Variants in DENND6B observed in about 807,000 individuals in gnomAD.
The protein encoded by DENND6B is DENN domain containing 6B.
A neutral mutation model predicts 85.1 loss-of-function variants in DENND6B; 73 were observed. The ratio of observed to expected loss-of-function variants is 0.86; its 90% confidence interval spans 0.71 to 1.04. The LOEUF (loss-of-function observed/expected upper bound fraction) is 1.04, where lower values mean the gene tolerates loss of function less well. Ranked by LOEUF, DENND6B falls within the 50% of genes least tolerant of loss-of-function variation. DENND6B has a pLI of 0.00. For synonymous variants in DENND6B, 357 were observed against 329.3 expected (o/e 1.08, Z -0.91); for missense variants, 715 against 785.8 (o/e 0.91, Z 1.08).
chr22:50,318,410 G>A (rs1232104301), intron 3 of DENND6B, among the ~76,000 whole-genome samples: 1 of 152,168 alleles, frequency 6.6e-6, no homozygotes, highest in East Asian at 1.9e-4. Flanking sequence ...CTCCTATTCT[G>A]ACTTCTGTAC....
In DENND6B at chr22:50,326,914, ACCTGAAGACGTGGGTCCAGCC is replaced by A; in HGVS notation, c.54_74del (p.Ala19_Gly25del). On this transcript the variant is annotated inframe_deletion, in exon 1 of 20. Transcript: ENST00000413817. ...GCGCCGCCGGGGTCCGCGCCGCGCG[ACCTGAAGACGTGGGTCCAGCC>A]GCGCCCAGGCAGCCGCGAGCCCGGC... 7.3e-7 allele frequency: 1 copy of A among 1,377,980 alleles called. No individual in the cohort carries two copies. 85.4% of individuals were successfully genotyped at this position (1,377,980 alleles called of 1,614,324 possible).
In DENND6B at chr22:50,313,814, C is replaced by T; in HGVS notation, c.1203G>A (p.Lys401=). 1 of 1,612,104 alleles carries T rather than the reference C, an allele frequency of 6.2e-7. No individual in the cohort carries two copies. Among genetic ancestry groups the T allele is most frequent in the East Asian group, 2.2e-5 (1 of 44,856 alleles). The change falls in exon 14 of 20, where the codon AAG becomes AAA. Residue 401 remains lysine (K), a splice_region_variant and synonymous_variant. Coordinates refer to ENST00000413817, the MANE Select transcript of DENND6B (RefSeq NM_001001794.4). ...RDKALLKRLL[K]GVQKKRPSDV... Reference sequence around the variant, plus strand: ...AGCCCCTGCCCCACAAACCATATACCTTGAGCAGCCGTTTGAGCAGCGCCT... The same window carrying T: ...AGCCCCTGCCCCACAAACCATATACTTTGAGCAGCCGTTTGAGCAGCGCCT...
chr22:50,326,710 C>T, intron 1 of DENND6B, 102 bp downstream of exon 1: 1 of 1,097,900 alleles, frequency 9.1e-7, no homozygotes, highest in Non-Finnish European at 1.2e-6. Flanking sequence ...GGCCGAAGGC[C>T]AGGGAGAGTG....
chr22:50,323,726 T>A (rs2042119548), intron 1 of DENND6B, among the ~76,000 whole-genome samples: 2 of 146,306 alleles, frequency 1.4e-5, no homozygotes, highest in South Asian at 4.4e-4. Context: ...CTAGCCTTTT[T>A]TTTTTTTTTT....
chr22:50,321,354 TTTTA>T (rs1323053833), intron 1 of DENND6B, among the ~76,000 whole-genome samples: 2 of 152,082 alleles, frequency 1.3e-5, no homozygotes, highest in Non-Finnish European at 2.9e-5. Flanking sequence ...TGGTCGGACT[TTTTA>T]TTTTTTATTT....
chr22:50,313,668 G>A lies in DENND6B; in HGVS notation c.1260C>T (p.Leu420=), dbSNP rs1250835097. ...TGATGAAGCTCTGGGTGAGCTCCAG[G>A]AGGTGCCGCCGCAGCAGGGCGCTCT... is the stretch of plus-strand genomic sequence containing the variant. ...DVQSALLRRH[L]LELTQSFIIP... Residue 420 remains leucine, a synonymous_variant, in exon 15 of 20, where the codon CTC becomes CTT. Coordinates refer to ENST00000413817, the MANE Select transcript of DENND6B (RefSeq NM_001001794.4). 2 of 1,597,166 alleles carry A rather than the reference G, an allele frequency of 1.3e-6. No homozygotes were observed. The highest frequency in any genetic ancestry group is 1.7e-5 in the Admixed American group (1 of 57,772).
At chr22:50,315,125 G>A in intron 9 of DENND6B, 1 of 768,838 alleles carries the variant, frequency 1.3e-6, no homozygotes, top group Non-Finnish European at 2.0e-6. Flanking sequence ...TGCTGGGCCT[G>A]GCCCTGGGAA....
At chr22:50,319,423 C>T (rs1052715779) in intron 1 of DENND6B, 2 of 985,426 alleles carry the variant, frequency 2.0e-6, no homozygotes, top group Non-Finnish European at 1.2e-6. Context: ...CTGGTCCTCA[C>T]AGCCACCCAA....
intron 9 of DENND6B, 120 bp downstream of exon 9, chr22:50,315,594 G>C: frequency 8.2e-7 from 1 of 1,214,514 alleles, no homozygotes; most frequent in Non-Finnish European, 1.1e-6. Flanking sequence ...GTGCACACGT[G>C]CACTCACGCA....
chr22:50,314,054 G>T (rs914203585), intron 13 of DENND6B, 153 bp downstream of exon 13: 9 of 1,267,434 alleles, frequency 7.1e-6, no homozygotes, highest in Non-Finnish European at 9.5e-6. Context: ...GAAGAGAAGA[G>T]AGCGACCCCT....
intron 1 of DENND6B, among the ~76,000 whole-genome samples, chr22:50,325,684 C>T (rs1358972115): frequency 6.6e-6 from 1 of 152,154 alleles, no homozygotes; most frequent in Non-Finnish European, 1.5e-5. Context: ...ATCTGGGCAA[C>T]AGTATTGAAC....
At position 50,311,978 on chromosome 22, in the gene DENND6B, C is replaced by T. The variant is rs1390842706; in HGVS notation, c.*161G>A. The T allele has an allele frequency of 5.7e-6, 7 of 1,226,778 alleles. No homozygotes were observed. The African/African-American group carries it at 7.6e-5, about 13-fold the overall frequency. 76.0% of individuals were successfully genotyped at this position (1,226,778 alleles called of 1,614,324 possible). A position where few individuals can be genotyped will look rare whatever the true frequency, so the allele number is the denominator to read the frequency against. On this transcript the variant is annotated 3_prime_UTR_variant, in exon 20 of 20. Transcript: ENST00000413817. ...AAGGCCATGCTGTGGTTCCAAATGT[C>T]GCCTTTACTGCTGAGACAATGGTGG...
intron 1 of DENND6B, among the ~76,000 whole-genome samples, chr22:50,320,988 T>C (rs567800628): frequency 1.3e-5 from 2 of 152,128 alleles, no homozygotes; most frequent in Non-Finnish European, 2.9e-5. Flanking sequence ...ACGCCAAGGT[T>C]AAGGGGACAA....
chr22:50,316,837 C>T, intron 5 of DENND6B: 1 of 1,051,468 alleles, frequency 9.5e-7, no homozygotes, highest in Middle Eastern at 2.6e-4. Context: ...TGATGACCCT[C>T]CAGCCATCAG....
intron 5 of DENND6B, chr22:50,316,831 G>C (rs2041837886): frequency 9.1e-7 from 1 of 1,095,266 alleles, no homozygotes; most frequent in East Asian, 6.1e-5. Context: ...ACAGTGTGAT[G>C]ACCCTCCAGC....
intron 1 of DENND6B, among the ~76,000 whole-genome samples, chr22:50,321,786 C>A (rs1450393219): frequency 6.6e-6 from 1 of 152,196 alleles, no homozygotes; most frequent in Non-Finnish European, 1.5e-5. Flanking sequence ...TCCACCTCAG[C>A]CTCCTGAGTA....
Position 50,313,441 on chromosome 22 carries a change from C to T in DENND6B, c.1347+5G>A. The T allele has an allele frequency of 1.3e-6, 2 of 1,537,874 alleles. No individual in the cohort carries two copies. The highest frequency in any genetic ancestry group is 2.8e-5 in the African/African-American group (2 of 72,572). ...GACCCCACAAAACCCCCACAGGACCCCCACCTTCCAGGGCGTGATGCTCTT... is the reference window on the plus strand; with the variant it reads ...GACCCCACAAAACCCCCACAGGACCTCCACCTTCCAGGGCGTGATGCTCTT... On this transcript the variant is annotated splice_donor_5th_base_variant and intron_variant, in intron 16 of 19. Coordinates refer to ENST00000413817, the MANE Select transcript of DENND6B (RefSeq NM_001001794.4).
rs1238323714 is a variant in DENND6B at position 50,315,782 on chromosome 22, G to T, written c.703-13C>A. 4 of 1,522,472 alleles carry T rather than the reference G, an allele frequency of 2.6e-6. No individual in the cohort carries two copies. The East Asian group carries it at 9.4e-5, about 36-fold the overall frequency. 94.3% of individuals were successfully genotyped at this position (1,522,472 alleles called of 1,614,324 possible). The stretch of plus-strand genomic sequence containing the variant: ...CTGGCAGCAGGTTCTGAGAGGAGGA[G>T]AGTGAAGGTCAGGGCCAAGGGGAGG... On this transcript the variant is annotated splice_polypyrimidine_tract_variant and intron_variant, in intron 8 of 19. Transcript: ENST00000413817.
Position 50,318,889 on chromosome 22 carries a change from T to G in DENND6B, c.217A>C (p.Lys73Gln). The G allele has an allele frequency of 6.2e-7, 1 of 1,613,176 alleles. No homozygotes were observed. Among genetic ancestry groups the G allele is most frequent in the Non-Finnish European group, 8.5e-7 (1 of 1,179,664 alleles). The change falls in exon 3 of 20, where the codon AAA becomes CAA. Residue 73 changes from lysine (K) to glutamine (Q), a missense_variant and splice_region_variant. Lys to Gln is a moderately conservative substitution (Grantham distance 53, BLOSUM62 1). Transcript: ENST00000413817. ...AAAGACAGGTAGCAGATGCTGCTTTTCTGAAACATATAAAACCCCGGTGAG... is the reference window on the plus strand; with the variant it reads ...AAAGACAGGTAGCAGATGCTGCTTTGCTGAAACATATAAAACCCCGGTGAG... Reference protein sequence around the residue: ...PNDFRLTDKEKSSICYLSFPD... With the variant: ...PNDFRLTDKEQSSICYLSFPD...
Sources: gnomAD v4.1 joint callset for allele counts (sites outside exome capture counted in the v4.1 genomes callset) on GRCh38, gnomAD v4.1.1 for gene constraint, MANE v1.5 for transcripts, NCBI Gene and HGNC (gene_info 2026-07-23, HGNC 2026-07-21) for gene names.